The following ANKRD18B variants were observed in gnomAD, a reference collection of about 807,000 sequenced individuals.
The protein encoded by ANKRD18B is ankyrin repeat domain-containing protein 18B.
ANKRD18B carries 75 observed loss-of-function variants against 111.8 expected under a neutral mutation model. That is an observed-to-expected ratio of 0.67 (90% CI 0.56 to 0.81). The LOEUF (loss-of-function observed/expected upper bound fraction) is 0.81, where lower values mean the gene tolerates loss of function less well. ANKRD18B is among the 40% of genes least tolerant of loss of function. The probability of loss-of-function intolerance (pLI) is 0.00; values close to 1 mark genes in which losing one functional copy is unlikely to be tolerated. For missense variants in ANKRD18B, 1,038 were observed against 1,225.5 expected (o/e 0.85, Z 2.28); for synonymous variants, 356 against 417.3 (o/e 0.85, Z 1.79).
At position 33,524,260 on chromosome 9, in the gene ANKRD18B, A is replaced by C; in HGVS notation, c.-230A>C. 2.7e-6 allele frequency: 3 copies of C among 1,130,916 alleles called. No individual in the cohort carries two copies. Among genetic ancestry groups the C allele is most frequent in the Non-Finnish European group, 3.4e-6 (3 of 886,550 alleles). 70.1% of individuals were successfully genotyped at this position (1,130,916 alleles called of 1,614,324 possible). ...CGCGCCTAACCGCTTTACTGGGCTC[A>C]CTCTATCGAGAGGTCGGAGGCTGCG... On this transcript the variant is annotated 5_prime_UTR_variant, in exon 1 of 19. Coordinates refer to ENST00000684830, the MANE Select transcript of ANKRD18B (RefSeq NM_001393611.1).
At chr9:33,535,464 T>C (rs1423533947) in intron 5 of ANKRD18B, among the ~76,000 whole-genome samples, 3 of 151,868 alleles carry the variant, frequency 2.0e-5, no homozygotes, top group African/African-American at 7.3e-5. Flanking sequence ...TTTTTTTGTA[T>C]TTTTAGTAGA....
chr9:33,561,209 T>C (rs1466437143), intron 14 of ANKRD18B, among the ~76,000 whole-genome samples: 1 of 152,168 alleles, frequency 6.6e-6, no homozygotes, highest in Non-Finnish European at 1.5e-5. Context: ...ATTTTCTCTT[T>C]TTTATTGAAC....
intron 1 of ANKRD18B, among the ~76,000 whole-genome samples, chr9:33,525,204 C>A (rs112441311): frequency 6.6e-6 from 1 of 152,164 alleles, no homozygotes; most frequent in Non-Finnish European, 1.5e-5. Context: ...ATCATTTTTG[C>A]ATGACACTTG....
intron 3 of ANKRD18B, among the ~76,000 whole-genome samples, chr9:33,532,367 A>T (rs959782117): frequency 6.6e-6 from 1 of 152,162 alleles, no homozygotes; most frequent in Admixed American, 6.5e-5. Context: ...TGCCTAAAGT[A>T]AAAAAATAAT....
At chr9:33,555,544 A>C (rs1211369085) in intron 12 of ANKRD18B, among the ~76,000 whole-genome samples, 164 bp from the exon 13 acceptor site, 1 of 152,238 alleles carries the variant, frequency 6.6e-6, no homozygotes. Flanking sequence ...TGTTTTAAGA[A>C]AATGACTAGT....
intron 1 of ANKRD18B, among the ~76,000 whole-genome samples, chr9:33,524,950 A>G (rs1298762885): frequency 6.6e-6 from 1 of 152,188 alleles, no homozygotes; most frequent in African/African-American, 2.4e-5. Flanking sequence ...CCTAATGAGA[A>G]CTCATTCCCA....
chr9:33,543,090 A>G (rs1828303350), intron 9 of ANKRD18B, 95 bp from the exon 10 acceptor site: 1 of 1,140,890 alleles, frequency 8.8e-7, no homozygotes, highest in South Asian at 1.5e-5. Context: ...TTCTCAATTT[A>G]TAAAAGAAAA....
chr9:33,534,694 G>A (rs538395686), intron 5 of ANKRD18B, among the ~76,000 whole-genome samples, 187 bp downstream of exon 5: 8 of 152,278 alleles, frequency 5.3e-5, no homozygotes, highest in African/African-American at 1.9e-4. Flanking sequence ...AGCAATGAGT[G>A]CAAGATTCTT....
chr9:33,552,512 C>G (rs1264346047), intron 12 of ANKRD18B, among the ~76,000 whole-genome samples: 1 of 152,168 alleles, frequency 6.6e-6, no homozygotes, highest in Non-Finnish European at 1.5e-5. Flanking sequence ...GTGGCTCAGC[C>G]TGTCTCTGCT....
chr9:33,526,733 G>C (rs1828030348), intron 1 of ANKRD18B, among the ~76,000 whole-genome samples: 1 of 152,024 alleles, frequency 6.6e-6, no homozygotes, highest in Non-Finnish European at 1.5e-5. Flanking sequence ...TGTGCTTGCA[G>C]ATTTTATGTA....
chr9:33,533,289 A>C, intron 3 of ANKRD18B, 150 bp from the exon 4 acceptor site: 1 of 1,395,670 alleles, frequency 7.2e-7, no homozygotes, highest in Admixed American at 3.3e-5. Context: ...TGTGTGGGAA[A>C]GCACAGAGGA....
At chr9:33,536,208 A>G (rs1828198506) in intron 5 of ANKRD18B, among the ~76,000 whole-genome samples, 1 of 152,200 alleles carries the variant, frequency 6.6e-6, no homozygotes, top group Non-Finnish European at 1.5e-5. Context: ...TATATGTTTT[A>G]ATGAGATAAT....
Position 33,534,464 on chromosome 9 carries a change from G to C in ANKRD18B, c.697G>C (p.Gly233Arg), listed in dbSNP as rs1484414218. The part of the protein sequence containing the change: ...NIHISSQDMF[G>R]QTAEDYAFCC... The stretch of plus-strand genomic sequence containing the variant: ...ACATATCTCTTCTCAAGACATGTTT[G>C]GCCAAACTGCCGAGGATTATGCTTT... The change falls in exon 5 of 19, where the codon GGC becomes CGC. Residue 233 changes from glycine to arginine, a missense_variant. This residue lies in a region of ANKRD18B where 93 missense variants were observed against 141.3 expected (regional missense o/e 0.66). Coordinates refer to ENST00000684830, the MANE Select transcript of ANKRD18B (RefSeq NM_001393611.1). The C allele has an allele frequency of 6.4e-7, 1 of 1,550,452 alleles. No individual in the cohort carries two copies. Among genetic ancestry groups the C allele is most frequent in the Non-Finnish European group, 8.7e-7 (1 of 1,146,652 alleles).
In ANKRD18B at chr9:33,548,436, G is replaced by C; in HGVS notation, c.1648G>C (p.Ala550Pro). 1 of 1,551,244 alleles carries C rather than the reference G, an allele frequency of 6.4e-7. No individual in the cohort carries two copies. The highest frequency in any genetic ancestry group is 1.2e-5 in the South Asian group (1 of 84,000). Residue 550 changes from alanine to proline, a missense_variant, in exon 11 of 19, where the codon GCT becomes CCT. Physicochemically the swap from Ala to Pro is conservative, Grantham distance 27. Coordinates refer to ENST00000684830, the MANE Select transcript of ANKRD18B (RefSeq NM_001393611.1). ...NELLTEQVHK[A>P]RVKFNTLKGK... ...GTTGCTTACTGAACAGGTCCATAAA[G>C]CTCGGGTGAAGTTCAATACCTTAAA...
chr9:33,556,696 C>A (rs1254277725), intron 13 of ANKRD18B, among the ~76,000 whole-genome samples: 1 of 151,138 alleles, frequency 6.6e-6, no homozygotes, highest in Non-Finnish European at 1.5e-5. Context: ...TTGTAATATT[C>A]TTCACTGCTG....
At chr9:33,543,809 G>A (rs1341589938) in intron 10 of ANKRD18B, among the ~76,000 whole-genome samples, 2 of 152,098 alleles carry the variant, frequency 1.3e-5, no homozygotes, top group Non-Finnish European at 2.9e-5. Flanking sequence ...ATGGGACTTT[G>A]GTGTCAGGGT....
At chr9:33,547,021 A>G (rs971096452) in intron 10 of ANKRD18B, among the ~76,000 whole-genome samples, 6 of 152,150 alleles carry the variant, frequency 3.9e-5, no homozygotes, top group Non-Finnish European at 8.8e-5. Context: ...ACCAAATGAA[A>G]AAATAAGGAG....
intron 16 of ANKRD18B, among the ~76,000 whole-genome samples, chr9:33,567,909 G>A (rs1207116757): frequency 6.6e-6 from 1 of 152,210 alleles, no homozygotes; most frequent in Non-Finnish European, 1.5e-5. Flanking sequence ...TCCACAAGGT[G>A]GTTCAAAAAT....
Position 33,572,711 on chromosome 9 carries a change from C to CGTCG in ANKRD18B, c.*277_*278insGTCG, listed in dbSNP as rs1828800580. On this transcript the variant is annotated 3_prime_UTR_variant, in exon 19 of 19. Transcript: ENST00000684830. ...TCATCATTGATACTGTAGTAAAGGT[C>CGTCG]ATCTTTGCATTTTACACTTTTTATT... 9.5e-7 allele frequency: 1 copy of CGTCG among 1,049,100 alleles called. No homozygotes were observed. The highest frequency in any genetic ancestry group is 5.2e-5 in the Admixed American group (1 of 19,266). 65.0% of individuals were successfully genotyped at this position (1,049,100 alleles called of 1,614,324 possible). A position where few individuals can be genotyped will look rare whatever the true frequency, so the allele number is the denominator to read the frequency against.
Sources: allele counts gnomAD v4.1 joint callset (sites outside exome capture counted in the v4.1 genomes callset), GRCh38; gene constraint gnomAD v4.1.1; regional missense constraint gnomAD v4.1.1; transcripts MANE v1.5; gene names NCBI Gene and HGNC (gene_info 2026-07-23, HGNC 2026-07-21).